The following DCC variants were observed in gnomAD, a reference collection of about 807,000 sequenced individuals.
DCC encodes netrin receptor DCC.
Under a neutral mutation model 172.5 loss-of-function variants are expected in DCC, and 58 were observed. That is an observed-to-expected ratio of 0.34 (90% CI 0.27 to 0.42). DCC has a LOEUF of 0.42. DCC is among the 10% of genes least tolerant of loss of function. The probability of loss-of-function intolerance (pLI) is 1.00; values close to 1 mark genes in which losing one functional copy is unlikely to be tolerated. For synonymous variants in DCC, 709 were observed against 644.5 expected (o/e 1.10, Z -1.52); for missense variants, 1,740 against 1,791.0 (o/e 0.97, Z 0.51).
intron 2 of DCC, among the ~76,000 whole-genome samples, chr18:52,881,048 C>T (rs2039478302): frequency 6.6e-6 from 1 of 152,044 alleles, no homozygotes; most frequent in Admixed American, 6.6e-5. Context: ...GGATAAAAGC[C>T]ATTTTAACTG....
intron 1 of DCC, among the ~76,000 whole-genome samples, chr18:52,376,977 C>T (rs1439505761): frequency 1.3e-5 from 2 of 152,180 alleles, no homozygotes; most frequent in South Asian, 4.1e-4. Flanking sequence ...GCAGCGGCTA[C>T]ATCTGATGCC....
intron 3 of DCC, among the ~76,000 whole-genome samples, chr18:52,922,214 A>G (rs2040137548): frequency 6.6e-6 from 1 of 152,172 alleles, no homozygotes; most frequent in Non-Finnish European, 1.5e-5. Context: ...GAACAACCAG[A>G]AGCAAATGTG....
At position 52,852,623 on chromosome 18, in the gene DCC, G is replaced by T. The variant is rs182705735; in HGVS notation, c.413-53421G>T. On this transcript the variant is annotated intron_variant, in intron 2 of 28. Transcript: ENST00000442544. ...AATGTTAAATAGACACTTACCAAGT[G>T]TCTATTTGGTTAAAATTTGGTTAAA... Among the ~76,000 whole-genome samples the T allele has an allele frequency of 6.9e-5, 10 of 144,378 alleles. No homozygotes were observed. The East Asian group carries it at 1.9e-3, about 28-fold the overall frequency. 94.7% of individuals were successfully genotyped at this position (144,378 alleles called of 152,430 possible).
In DCC at chr18:53,351,354, GTATATATATATAC is replaced by G. The variant is rs1568074882; in HGVS notation, c.2359+11449_2359+11461del. 5.6e-4 allele frequency among the ~76,000 whole-genome samples: 21 copies of G among 37,178 alleles called. 1 individual carries two copies. Among genetic ancestry groups the G allele is most frequent in the Admixed American group, 1.5e-3 (5 of 3,370 alleles). The allele number at this position is 37,178 out of a possible 152,430, so 24.4% of individuals were successfully genotyped here. A position where few individuals can be genotyped will look rare whatever the true frequency, so the allele number is the denominator to read the frequency against. On this transcript the variant is annotated intron_variant, in intron 15 of 28. Coordinates refer to ENST00000442544, the MANE Select transcript of DCC (RefSeq NM_005215.4). ...TATACAGTGTATATATATATACACAGTATATATATATACTGTATATATATATACAGTATATATA... is the reference window on the plus strand; with the variant it reads ...TATACAGTGTATATATATATACACAGTGTATATATATATACAGTATATATA...
chr18:53,255,217 T>A (rs79787640), intron 12 of DCC, among the ~76,000 whole-genome samples: 3,097 of 151,920 alleles, frequency 0.02, 116 homozygotes, highest in African/African-American at 0.071. Flanking sequence ...TTTGTTTTTT[T>A]TTCTATTATT....
intron 1 of DCC, among the ~76,000 whole-genome samples, chr18:52,396,941 T>C (rs1292259460): frequency 6.6e-6 from 1 of 152,062 alleles, no homozygotes; most frequent in Admixed American, 6.6e-5. Context: ...CTTAGAGCAA[T>C]ACCAAGCATA....
At chr18:53,249,252 T>A (rs1568390225) in intron 12 of DCC, among the ~76,000 whole-genome samples, 1 of 152,030 alleles carries the variant, frequency 6.6e-6, no homozygotes, top group African/African-American at 2.4e-5. Context: ...GTGTTTTTTT[T>A]ATTTGAACAA....
intron 5 of DCC, among the ~76,000 whole-genome samples, chr18:53,007,289 T>C (rs1326458879): frequency 6.6e-6 from 1 of 152,170 alleles, no homozygotes; most frequent in Non-Finnish European, 1.5e-5. Context: ...ATAAATTTTA[T>C]AGTAAATTTA....
At chr18:52,701,407 T>A (rs1310349915) in intron 1 of DCC, among the ~76,000 whole-genome samples, 1 of 152,184 alleles carries the variant, frequency 6.6e-6, no homozygotes, top group African/African-American at 2.4e-5. Context: ...TACACAGAAA[T>A]ACAGACAAGC....
intron 12 of DCC, among the ~76,000 whole-genome samples, chr18:53,260,008 T>A (rs1208156345): frequency 5.9e-5 from 9 of 152,240 alleles, no homozygotes; most frequent in Non-Finnish European, 1.2e-4. Context: ...CTACTGAGGC[T>A]TTTGCATTCG....
rs528777957 is a variant in DCC at position 52,704,246 on chromosome 18, T to A, written c.92-47808T>A. Reference sequence around the variant, plus strand: ...TGTCATCTAACACTGAAGGAAAATATTTTACTTTTACACGGAACAGCTTAT... The same window carrying A: ...TGTCATCTAACACTGAAGGAAAATAATTTACTTTTACACGGAACAGCTTAT... On this transcript the variant is annotated intron_variant, in intron 1 of 28. Transcript: ENST00000442544. Among the ~76,000 whole-genome samples, 13 of 152,216 alleles carry A rather than the reference T, an allele frequency of 8.5e-5. No homozygotes were observed. The South Asian group carries it at 1.7e-3, about 19-fold the overall frequency.
intron 5 of DCC, among the ~76,000 whole-genome samples, chr18:52,970,067 T>C (rs1598983879): frequency 6.6e-6 from 1 of 152,284 alleles, no homozygotes; most frequent in East Asian, 1.9e-4. Context: ...TTATGGGATT[T>C]CTGTATGAAT....
At chr18:53,502,356 T>C (rs546968985) in intron 27 of DCC, among the ~76,000 whole-genome samples, 1 of 152,358 alleles carries the variant, frequency 6.6e-6, no homozygotes, top group Admixed American at 6.5e-5. Context: ...CATAATGTCT[T>C]ACCTCATGAT....
At chr18:52,348,319 A>G (rs1055609019) in intron 1 of DCC, among the ~76,000 whole-genome samples, 7 of 152,188 alleles carry the variant, frequency 4.6e-5, no homozygotes, top group African/African-American at 1.7e-4. Context: ...ATTTGCCACC[A>G]TGTTTAGGGT....
chr18:53,215,233 C>T (rs1042213210), intron 11 of DCC, among the ~76,000 whole-genome samples: 2 of 151,930 alleles, frequency 1.3e-5, no homozygotes, highest in Non-Finnish European at 2.9e-5. Context: ...TTATTGGTTT[C>T]TCTGGGAAAG....
intron 8 of DCC, among the ~76,000 whole-genome samples, chr18:53,177,567 G>A (rs1463087799): frequency 6.6e-6 from 1 of 152,124 alleles, no homozygotes; most frequent in South Asian, 2.1e-4. Context: ...CTCTTCTCTA[G>A]AATTATTACA....
At chr18:52,875,338 A>G (rs554722813) in intron 2 of DCC, among the ~76,000 whole-genome samples, 2 of 152,260 alleles carry the variant, frequency 1.3e-5, no homozygotes, top group Non-Finnish European at 2.9e-5. Flanking sequence ...TATTGCTGCA[A>G]CCTGGCCATC....
At chr18:53,051,372 G>GTAT (rs2042332607) in intron 5 of DCC, among the ~76,000 whole-genome samples, 1 of 152,024 alleles carries the variant, frequency 6.6e-6, no homozygotes, top group South Asian at 2.1e-4. Flanking sequence ...AGTATCTAAA[G>GTAT]TATTTGTTTC....
At chr18:52,851,065 ATAAT>A (rs1345370254) in intron 2 of DCC, among the ~76,000 whole-genome samples, 1 of 152,062 alleles carries the variant, frequency 6.6e-6, no homozygotes, top group African/African-American at 2.4e-5. Context: ...GTAGATAATT[ATAAT>A]TAATAACACA....
Sources: allele counts gnomAD v4.1 joint callset (sites outside exome capture counted in the v4.1 genomes callset), GRCh38; gene constraint gnomAD v4.1.1; transcripts MANE v1.5; gene names NCBI Gene and HGNC (gene_info 2026-07-23, HGNC 2026-07-21).